SSBP2: variants seen among roughly 807,000 people sequenced by gnomAD.
SSBP2 encodes single-stranded DNA-binding protein 2.
A neutral mutation model predicts 61.8 loss-of-function variants in SSBP2; 17 were observed. That is an observed-to-expected ratio of 0.28 (90% CI 0.19 to 0.41). The LOEUF (loss-of-function observed/expected upper bound fraction) is 0.41. Among genes scored for constraint, SSBP2 ranks in the 10% least tolerant of loss-of-function variants. The probability of loss-of-function intolerance (pLI) is 1.00; values close to 1 mark genes in which losing one functional copy is unlikely to be tolerated. For synonymous variants in SSBP2, 139 were observed against 141.3 expected, an observed-to-expected ratio of 0.98 and a Z score of 0.12; for missense variants, 310 against 458.7, an observed-to-expected ratio of 0.68 and a Z score of 2.96.
intron 1 of SSBP2, among the ~76,000 whole-genome samples, chr5:81,651,519 A>G (rs2153713082): frequency 6.6e-6 from 1 of 152,300 alleles, no homozygotes; most frequent in African/African-American, 2.4e-5. Context: ...TAGACCTGTT[A>G]AAGTTACTCA....
intron 4 of SSBP2, among the ~76,000 whole-genome samples, chr5:81,582,747 C>A (rs1179340320): frequency 2.0e-5 from 3 of 152,160 alleles, no homozygotes; most frequent in Non-Finnish European, 2.9e-5. Flanking sequence ...GCGTGCACCA[C>A]CATGCTCAGC....
chr5:81,745,929 A>T (rs1757324893), intron 1 of SSBP2, among the ~76,000 whole-genome samples: 1 of 152,112 alleles, frequency 6.6e-6, no homozygotes, highest in Non-Finnish European at 1.5e-5. Context: ...CTTAAAACAA[A>T]ATAATTCTAG....
Position 81,413,306 on chromosome 5 carries a change from C to T in SSBP2, c.*7198G>A, listed in dbSNP as rs1410257944. ...GTGCACATGCACGCACACACACATA[C>T]ACGAACACACATACACAGATGCTAA... On this transcript the variant is annotated 3_prime_UTR_variant, in exon 17 of 17. Transcript: ENST00000320672. 6.6e-6 allele frequency: 1 copy of T among 152,216 alleles called. No homozygotes were observed. The highest frequency in any genetic ancestry group is 1.5e-5 in the Non-Finnish European group (1 of 68,030). 9.4% of individuals were successfully genotyped at this position (152,216 alleles called of 1,614,324 possible).
chr5:81,684,961 T>C (rs186687519), intron 1 of SSBP2, among the ~76,000 whole-genome samples: 2 of 152,130 alleles, frequency 1.3e-5, no homozygotes, highest in Admixed American at 6.5e-5. Context: ...TCATGGGGAA[T>C]TGGAGGAGGG....
intron 1 of SSBP2, among the ~76,000 whole-genome samples, chr5:81,682,398 A>G (rs992714600): frequency 2.6e-5 from 4 of 152,184 alleles, no homozygotes; most frequent in Non-Finnish European, 4.4e-5. Flanking sequence ...ATCAAATAGT[A>G]TAAGTGGTCA....
chr5:81,531,626 T>C (rs181183454), intron 4 of SSBP2, among the ~76,000 whole-genome samples: 6 of 152,146 alleles, frequency 3.9e-5, no homozygotes, highest in African/African-American at 1.4e-4. Context: ...ATATGAAGAA[T>C]AAAGTAGGCT....
At chr5:81,666,029 C>T (rs924644610) in intron 1 of SSBP2, among the ~76,000 whole-genome samples, 21 of 152,160 alleles carry the variant, frequency 1.4e-4, no homozygotes, top group Non-Finnish European at 1.0e-4. Flanking sequence ...TCAGCCTGAT[C>T]AAATGTTCAA....
intron 1 of SSBP2, among the ~76,000 whole-genome samples, chr5:81,738,667 A>T (rs1237348858): frequency 6.6e-6 from 1 of 152,134 alleles, no homozygotes; most frequent in Non-Finnish European, 1.5e-5. Flanking sequence ...TAATTTTCAC[A>T]CTTAGGCCAC....
At chr5:81,547,721 C>T (rs1271379054) in intron 4 of SSBP2, among the ~76,000 whole-genome samples, 1 of 152,166 alleles carries the variant, frequency 6.6e-6, no homozygotes, top group Admixed American at 6.5e-5. Flanking sequence ...GATCCTCCTG[C>T]CTTGGACTCA....
At chr5:81,728,227 T>C (rs2153985358) in intron 1 of SSBP2, among the ~76,000 whole-genome samples, 1 of 152,338 alleles carries the variant, frequency 6.6e-6, no homozygotes, top group South Asian at 2.1e-4. Flanking sequence ...CAGATGACTT[T>C]TTCTTATCCC....
chr5:81,633,706 ACCAGATG>A (rs971634252), intron 3 of SSBP2, among the ~76,000 whole-genome samples: 7 of 152,132 alleles, frequency 4.6e-5, no homozygotes, highest in African/African-American at 1.4e-4. Flanking sequence ...GACCCATGTA[ACCAGATG>A]CCTGCTCAAC....
intron 4 of SSBP2, among the ~76,000 whole-genome samples, chr5:81,592,040 G>A (rs536601531): frequency 3.3e-5 from 5 of 152,352 alleles, no homozygotes; most frequent in East Asian, 3.9e-4. Flanking sequence ...GCGAGGCATC[G>A]CCTCACCTGG....
intron 1 of SSBP2, among the ~76,000 whole-genome samples, chr5:81,741,005 T>C (rs544978154): frequency 6.6e-6 from 1 of 152,292 alleles, no homozygotes; most frequent in Non-Finnish European, 1.5e-5. Context: ...CAACTTCCAT[T>C]ACAATTTTTC....
intron 1 of SSBP2, among the ~76,000 whole-genome samples, chr5:81,657,557 C>T (rs1276057799): frequency 6.6e-6 from 1 of 152,038 alleles, no homozygotes; most frequent in Non-Finnish European, 1.5e-5. Context: ...AGGAATGGGG[C>T]AGAAAAACTA....
chr5:81,501,268 T>TAC (rs34805388), intron 5 of SSBP2, among the ~76,000 whole-genome samples: 1,217 of 35,638 alleles, frequency 0.034, 127 homozygotes, highest in Middle Eastern at 0.074. Context: ...TATATATATA[T>TAC]ACACACACAC....
intron 4 of SSBP2, among the ~76,000 whole-genome samples, chr5:81,578,962 A>T (rs1360023899): frequency 2.0e-5 from 3 of 152,114 alleles, no homozygotes; most frequent in African/African-American, 7.2e-5. Context: ...TAAATTGTAT[A>T]CGAAATATGC....
At chr5:81,482,865 T>C (rs1235342330) in intron 6 of SSBP2, among the ~76,000 whole-genome samples, 1 of 152,238 alleles carries the variant, frequency 6.6e-6, no homozygotes. Context: ...ATCTTGGCTT[T>C]TGACATGCCT....
In SSBP2 at chr5:81,732,277, T is replaced by A. The variant is rs188114140; in HGVS notation, c.62+18704A>T. Reference sequence around the variant, plus strand: ...TTCAAAATGAAGTGGTATTCCATGATCTATAATATGAATAAATCAATATAA... The same window carrying A: ...TTCAAAATGAAGTGGTATTCCATGAACTATAATATGAATAAATCAATATAA... On this transcript the variant is annotated intron_variant, in intron 1 of 16. Coordinates refer to ENST00000320672, the MANE Select transcript of SSBP2 (RefSeq NM_012446.5). 2.1e-3 allele frequency among the ~76,000 whole-genome samples: 322 copies of A among 152,320 alleles called. 2 individuals are homozygous for A. Among genetic ancestry groups the A allele is most frequent in the African/African-American group, 7.3e-3 (304 of 41,586 alleles).
intron 6 of SSBP2, among the ~76,000 whole-genome samples, chr5:81,488,667 AG>A (rs1346307718): frequency 6.6e-6 from 1 of 150,688 alleles, no homozygotes; most frequent in Non-Finnish European, 1.5e-5. Context: ...CTCATCATTT[AG>A]CATTAGGTAT....
Sources: gnomAD v4.1 joint callset for allele counts (sites outside exome capture counted in the v4.1 genomes callset) on GRCh38, gnomAD v4.1.1 for gene constraint, MANE v1.5 for transcripts, NCBI Gene and HGNC (gene_info 2026-07-23, HGNC 2026-07-21) for gene names.